SMYD3: variants seen among roughly 807,000 people sequenced by gnomAD.
The protein encoded by SMYD3 is histone-lysine N-methyltransferase SMYD3.
In SMYD3, 36 loss-of-function variants were observed where a neutral mutation model predicts 57.7. The ratio of observed to expected loss-of-function variants is 0.62; its 90% confidence interval spans 0.48 to 0.82. SMYD3 has a LOEUF of 0.82. Ranked by LOEUF, SMYD3 falls within the 40% of genes least tolerant of loss-of-function variation. The pLI is 0.00. For missense variants in SMYD3, 515 were observed against 538.8 expected (o/e 0.96, Z 0.44); for synonymous variants, 211 against 195.0 (o/e 1.08, Z -0.68).
rs112582969 is a variant in SMYD3, at chr1:245,934,763, T to TA, written c.532-4827dup. On this transcript the variant is annotated intron_variant, in intron 5 of 11. Transcript: ENST00000490107. ...TTTCGGCATCTGTTTCAATTTCAAT[T>TA]AAAAAAAAAATCCATAATAGAAACA... Among the ~76,000 whole-genome samples the TA allele has an allele frequency of 8.8e-3, 1,329 of 150,690 alleles. 8 individuals are homozygous for TA. The highest frequency in any genetic ancestry group is 0.013 in the South Asian group (64 of 4,752).
chr1:245,780,763 A>T (rs1296595972), intron 10 of SMYD3, among the ~76,000 whole-genome samples: 1 of 152,226 alleles, frequency 6.6e-6, no homozygotes, highest in East Asian at 1.9e-4. Context: ...TCTACTTATG[A>T]GAAATAAAAA....
In SMYD3 at chr1:245,921,084, T is replaced by G. The variant is rs578054274; in HGVS notation, c.703-5444A>C. Reference sequence around the variant, plus strand: ...AGAATCTATAAGGAACTTAAGCAATTCAATAAGCAAATAACCCAAGTAAAA... The same window carrying G: ...AGAATCTATAAGGAACTTAAGCAATGCAATAAGCAAATAACCCAAGTAAAA... On this transcript the variant is annotated intron_variant, in intron 7 of 11. Coordinates refer to ENST00000490107, the MANE Select transcript of SMYD3 (RefSeq NM_001167740.2). Among the ~76,000 whole-genome samples the G allele has an allele frequency of 5.3e-5, 8 of 152,140 alleles. No individual in the cohort carries two copies. In the South Asian group the frequency reaches 1.7e-3, roughly 32 times the overall value.
At chr1:246,242,645 A>G (rs2063634074) in intron 5 of SMYD3, among the ~76,000 whole-genome samples, 2 of 152,172 alleles carry the variant, frequency 1.3e-5, no homozygotes, top group Admixed American at 6.5e-5. Context: ...TAAAAGACAC[A>G]GACTGGCAAA....
intron 5 of SMYD3, among the ~76,000 whole-genome samples, chr1:246,002,175 C>A (rs1192620756): frequency 1.3e-5 from 2 of 152,008 alleles, no homozygotes; most frequent in East Asian, 1.9e-4. Flanking sequence ...GGCAAGATGA[C>A]CACCTCCTTT....
intron 5 of SMYD3, among the ~76,000 whole-genome samples, chr1:246,238,033 T>G (rs1306745052): frequency 6.6e-6 from 1 of 152,118 alleles, no homozygotes; most frequent in African/African-American, 2.4e-5. Context: ...GTATCTTCTG[T>G]TTTTTCATTT....
At chr1:246,502,515 ATCTAC>A (rs2068472610) in intron 1 of SMYD3, among the ~76,000 whole-genome samples, 1 of 152,178 alleles carries the variant, frequency 6.6e-6, no homozygotes, top group African/African-American at 2.4e-5. Context: ...CCTCATGAAT[ATCTAC>A]TCTAATAAAT....
chr1:245,911,177 C>T (rs2054947319), intron 8 of SMYD3, among the ~76,000 whole-genome samples: 3 of 151,858 alleles, frequency 2.0e-5, no homozygotes, highest in Admixed American at 2.0e-4. Context: ...CTATCATCTC[C>T]CCAGTTAAAA....
chr1:245,939,984 TG>T (rs755242814), intron 5 of SMYD3, among the ~76,000 whole-genome samples: 8 of 152,176 alleles, frequency 5.3e-5, no homozygotes, highest in Admixed American at 1.3e-4. Flanking sequence ...TGGTTTGGAC[TG>T]GGAGGAATTC....
chr1:246,369,083 G>C (rs913764269), intron 1 of SMYD3, among the ~76,000 whole-genome samples: 2 of 152,118 alleles, frequency 1.3e-5, no homozygotes, highest in African/African-American at 4.8e-5. Flanking sequence ...ACTAAAATGA[G>C]CATAAATAAT....
At chr1:246,114,148 G>C (rs2061304156) in intron 5 of SMYD3, among the ~76,000 whole-genome samples, 1 of 152,138 alleles carries the variant, frequency 6.6e-6, no homozygotes, top group African/African-American at 2.4e-5. Flanking sequence ...ACAGTTTTAA[G>C]AATTTATAGA....
intron 5 of SMYD3, among the ~76,000 whole-genome samples, chr1:246,266,339 T>C (rs980793140): frequency 5.9e-5 from 9 of 152,172 alleles, no homozygotes; most frequent in African/African-American, 1.9e-4. Context: ...AACTCTAATG[T>C]CCAAACTGCG....
chr1:245,935,318 CAAAT>C (rs1284896658), intron 5 of SMYD3, among the ~76,000 whole-genome samples: 3 of 152,076 alleles, frequency 2.0e-5, no homozygotes, highest in Non-Finnish European at 4.4e-5. Context: ...TCAATATCAC[CAAAT>C]GCTCAATCAT....
At chr1:245,783,625 A>G (rs2046922907) in intron 10 of SMYD3, among the ~76,000 whole-genome samples, 1 of 152,224 alleles carries the variant, frequency 6.6e-6, no homozygotes, top group African/African-American at 2.4e-5. Context: ...AGGTAACATG[A>G]TTGCCTATGT....
intron 5 of SMYD3, among the ~76,000 whole-genome samples, chr1:246,236,189 T>G (rs945637613): frequency 6.6e-6 from 1 of 152,066 alleles, no homozygotes; most frequent in Non-Finnish European, 1.5e-5. Context: ...TAAAGAAATA[T>G]TATGATAAAT....
chr1:245,979,728 T>G (rs781624772), intron 5 of SMYD3, among the ~76,000 whole-genome samples: 1 of 152,182 alleles, frequency 6.6e-6, no homozygotes, highest in Non-Finnish European at 1.5e-5. Context: ...ACCATGGCCG[T>G]TTTAAGAATC....
intron 5 of SMYD3, among the ~76,000 whole-genome samples, chr1:246,199,023 G>C (rs1371328143): frequency 6.6e-6 from 1 of 152,130 alleles, no homozygotes; most frequent in Non-Finnish European, 1.5e-5. Flanking sequence ...CGATACATGG[G>C]TATGTAGTGT....
intron 7 of SMYD3, among the ~76,000 whole-genome samples, chr1:245,922,351 C>A (rs1428574820): frequency 6.6e-6 from 1 of 152,142 alleles, no homozygotes; most frequent in Non-Finnish European, 1.5e-5. Context: ...TGTATTAGAA[C>A]AAAGACTGCC....
intron 5 of SMYD3, among the ~76,000 whole-genome samples, chr1:246,268,561 G>A (rs188788325): frequency 3.3e-5 from 5 of 152,012 alleles, no homozygotes; most frequent in African/African-American, 9.6e-5. Flanking sequence ...GACATTAGCC[G>A]GGCATGGTGG....
intron 11 of SMYD3, among the ~76,000 whole-genome samples, chr1:245,762,565 C>T (rs2045894844): frequency 6.6e-6 from 1 of 152,220 alleles, no homozygotes; most frequent in Non-Finnish European, 1.5e-5. Context: ...GTGCGGTGTT[C>T]TTCCCCCGCC....
Sources: allele counts gnomAD v4.1 joint callset (sites outside exome capture counted in the v4.1 genomes callset), GRCh38; gene constraint gnomAD v4.1.1; transcripts MANE v1.5; gene names NCBI Gene and HGNC (gene_info 2026-07-23, HGNC 2026-07-21).